Variants in RYR3 observed in about 807,000 individuals in gnomAD.
RYR3 encodes the protein ryanodine receptor 3.
In RYR3, 207 loss-of-function variants were observed where a neutral mutation model predicts 584.3. The ratio of observed to expected loss-of-function variants is 0.35; its 90% CI spans 0.32 to 0.40. The LOEUF (loss-of-function observed/expected upper bound fraction) is 0.40, where lower values mean the gene tolerates loss of function less well. Among genes scored for constraint, RYR3 ranks in the 10% least tolerant of loss-of-function variants. The pLI, the probability that RYR3 is intolerant of heterozygous loss-of-function variation, is 1.00. For synonymous variants in RYR3, 2,416 were observed against 2,248.5 expected, an observed-to-expected ratio of 1.07 and a Z score of -2.11; for missense variants, 5,616 against 6,089.2, an observed-to-expected ratio of 0.92 and a Z score of 2.59.
chr15:33,532,240 G>A (rs1372084489), intron 4 of RYR3, among the ~76,000 whole-genome samples: 1 of 152,068 alleles, frequency 6.6e-6, no homozygotes, highest in Non-Finnish European at 1.5e-5. Context: ...GGAGGCCATG[G>A]GATGCTTTAT....
At chr15:33,417,400 C>T (rs991152946) in intron 1 of RYR3, among the ~76,000 whole-genome samples, 2 of 152,098 alleles carry the variant, frequency 1.3e-5, no homozygotes, top group African/African-American at 2.4e-5. Flanking sequence ...AAAGATCTTT[C>T]ACCTCCTTGA....
intron 12 of RYR3, among the ~76,000 whole-genome samples, chr15:33,579,294 A>C (rs979607633): frequency 2.0e-5 from 3 of 152,188 alleles, no homozygotes; most frequent in Non-Finnish European, 2.9e-5. Context: ...AGTGAAGGAA[A>C]GCAGGCATGT....
At chr15:33,597,266 T>A (rs975821134) in intron 16 of RYR3, among the ~76,000 whole-genome samples, 20 of 152,130 alleles carry the variant, frequency 1.3e-4, no homozygotes, top group Admixed American at 1.3e-3. Flanking sequence ...TGCTGGGCAA[T>A]ACTTAAGGCA....
intron 1 of RYR3, among the ~76,000 whole-genome samples, chr15:33,334,657 G>A (rs1184477204): frequency 6.6e-6 from 1 of 152,088 alleles, no homozygotes. Flanking sequence ...AAAAGCAATT[G>A]CAACAAAAGC....
chr15:33,539,197 T>A, intron 5 of RYR3, 153 bp from the exon 6 acceptor site: 1 of 575,636 alleles, frequency 1.7e-6, no homozygotes, highest in Non-Finnish European at 3.2e-6. Flanking sequence ...GGGGGCTGTC[T>A]GGAACGGTTA....
At position 33,412,919 on chromosome 15, in the gene RYR3, T is replaced by C. The variant is rs1158189292; in HGVS notation, c.52-60500T>C. On this transcript the variant is annotated intron_variant, in intron 1 of 103. Transcript: ENST00000634891. The surrounding 1 kb of genome is among the most constrained non-coding windows in gnomAD (Gnocchi z 4.3). Reference sequence around the variant, plus strand: ...AGTGTTGACGATGAGAAAAAAATTCTGTTCAAGAAACTAGCCTATGTACTC... The same window carrying C: ...AGTGTTGACGATGAGAAAAAAATTCCGTTCAAGAAACTAGCCTATGTACTC... Among the ~76,000 whole-genome samples, 1 of 150,246 alleles carries C rather than the reference T, an allele frequency of 6.7e-6. No individual in the cohort carries two copies. The highest frequency in any genetic ancestry group is 2.5e-5 in the African/African-American group (1 of 39,500).
intron 2 of RYR3, among the ~76,000 whole-genome samples, chr15:33,485,496 A>G (rs1350352383): frequency 6.6e-6 from 1 of 152,184 alleles, no homozygotes; most frequent in African/African-American, 2.4e-5. Flanking sequence ...TACAGTGGAA[A>G]GGCCTGGTGT....
In RYR3 at chr15:33,631,221, C is replaced by A; in HGVS notation, c.2795C>A (p.Ala932Asp). The A allele has an allele frequency of 6.3e-7, 1 of 1,584,578 alleles. No individual in the cohort carries two copies. Among genetic ancestry groups the A allele is most frequent in the Non-Finnish European group, 8.6e-7 (1 of 1,163,786 alleles). Residue 932 changes from alanine to aspartate, a missense_variant, in exon 23 of 104, where the codon GCC becomes GAC. Ala to Asp is a moderately radical substitution (Grantham distance 126). Transcript: ENST00000634891. ...MSTETLKTLL[A>D]LGCHIAHVNP... ...CTGTTGTGTCACAGAACCCTCTTGG[C>A]CCTGGGGTGCCACATTGCTCATGTT...
At chr15:33,512,475 TCCC>T (rs2053120003) in intron 3 of RYR3, among the ~76,000 whole-genome samples, 1 of 152,124 alleles carries the variant, frequency 6.6e-6, no homozygotes, top group African/African-American at 2.4e-5. Flanking sequence ...CTCTCTCAAA[TCCC>T]CCCATTTATT....
At chr15:33,463,759 G>A (rs1222728689) in intron 1 of RYR3, among the ~76,000 whole-genome samples, 2 of 152,130 alleles carry the variant, frequency 1.3e-5, no homozygotes, top group Non-Finnish European at 2.9e-5. Flanking sequence ...TAGCTTTTAT[G>A]GTCAAGCTCA....
At position 33,771,940 on chromosome 15, in the gene RYR3, C is replaced by G; in HGVS notation, c.8837C>G (p.Ser2946Ter). ...LDTRTVMKSG[S>*]ELVKAGLRAF... The stretch of plus-strand genomic sequence containing the variant: ...TGCAGGACTGTCATGAAGTCAGGCT[C>G]AGAGCTGGTGAAGGCTGGGTTACGA... The change falls in exon 63 of 104, where the codon TCA (serine) becomes TGA (stop). Residue 2946 changes from serine to a stop codon, truncating the protein, a stop_gained. Coordinates refer to ENST00000634891, the MANE Select transcript of RYR3 (RefSeq NM_001036.6). LOFTEE classifies it high-confidence loss of function. 6.2e-7 allele frequency: 1 copy of G among 1,612,228 alleles called. No individual in the cohort carries two copies.
At chr15:33,831,772 C>T (rs752933620) in intron 86 of RYR3, among the ~76,000 whole-genome samples, 3 of 151,998 alleles carry the variant, frequency 2.0e-5, no homozygotes, top group South Asian at 4.2e-4. Flanking sequence ...GTATCATTAC[C>T]GTCGGTGATA....
chr15:33,773,616 G>C lies in RYR3; in HGVS notation c.9137+1G>C. The C allele has an allele frequency of 6.3e-7, 1 of 1,589,302 alleles. No homozygotes were observed. The highest frequency in any genetic ancestry group is 8.6e-7 in the Non-Finnish European group (1 of 1,162,208). Reference sequence around the variant, plus strand: ...CGGGAAAGAACATTTATGTTGAAAGGTAATTAGTGAACGAAGAGGCTAACA... The same window carrying C: ...CGGGAAAGAACATTTATGTTGAAAGCTAATTAGTGAACGAAGAGGCTAACA... On this transcript the variant is annotated splice_donor_variant, in intron 64 of 103. Transcript: ENST00000634891. LOFTEE classifies it high-confidence loss of function.
intron 1 of RYR3, among the ~76,000 whole-genome samples, chr15:33,384,473 AT>A (rs575659948): frequency 2.6e-5 from 2 of 76,690 alleles, no homozygotes; most frequent in Non-Finnish European, 5.8e-5. Context: ...ATATTATAAT[AT>A]TATATTTTAT....
chr15:33,414,462 A>G (rs918646424), intron 1 of RYR3, among the ~76,000 whole-genome samples: 2 of 152,188 alleles, frequency 1.3e-5, no homozygotes, highest in African/African-American at 4.8e-5. Flanking sequence ...CTAAATATAT[A>G]ACAAAACAAC....
chr15:33,578,405 C>T (rs929966803), intron 12 of RYR3, among the ~76,000 whole-genome samples: 1 of 152,162 alleles, frequency 6.6e-6, no homozygotes, highest in African/African-American at 2.4e-5. Flanking sequence ...GGAACATATA[C>T]ACCATGGAAT....
chr15:33,824,038 A>G (rs1324095880), intron 81 of RYR3, among the ~76,000 whole-genome samples: 1 of 152,108 alleles, frequency 6.6e-6, no homozygotes, highest in Non-Finnish European at 1.5e-5. Flanking sequence ...CCAACAGTCT[A>G]TTCATTTATT....
intron 2 of RYR3, among the ~76,000 whole-genome samples, chr15:33,474,094 C>T (rs1012725894): frequency 3.9e-5 from 6 of 152,294 alleles, no homozygotes; most frequent in Admixed American, 2.0e-4. Flanking sequence ...TTTTCTTTCT[C>T]CATTTTCAGG....
intron 1 of RYR3, among the ~76,000 whole-genome samples, chr15:33,312,699 T>C (rs959954437): frequency 1.3e-5 from 2 of 152,208 alleles, no homozygotes; most frequent in African/African-American, 4.8e-5. Flanking sequence ...TTCTAGGCGT[T>C]ATTGCTTGAA....
Sources: allele counts gnomAD v4.1 joint callset (sites outside exome capture counted in the v4.1 genomes callset), GRCh38; gene constraint gnomAD v4.1.1; non-coding constraint Gnocchi (gnomAD v3.1); transcripts MANE v1.5; gene names NCBI Gene and HGNC (gene_info 2026-07-23, HGNC 2026-07-21).